Variants in FOLR2 observed in about 807,000 individuals in gnomAD.
FOLR2 encodes the protein folate receptor 2 (fetal).
FOLR2 carries 14 observed loss-of-function variants against 20.4 expected under a neutral mutation model. That is an observed-to-expected ratio of 0.68 (90% CI 0.45 to 1.07). The LOEUF is 1.07. FOLR2 is among the 50% of genes least tolerant of loss of function. The pLI, the probability that FOLR2 is intolerant of heterozygous loss-of-function variation, is 0.00. For synonymous variants in FOLR2, 114 were observed against 114.3 expected (o/e 1.00, Z 0.02); for missense variants, 269 against 322.6 (o/e 0.83, Z 1.27).
chr11:72,221,096 C>T, intron 3 of FOLR2, 38 bp downstream of exon 3: 1 of 1,488,706 alleles, frequency 6.7e-7, no homozygotes, highest in South Asian at 1.4e-5. Context: ...AGCAGACTGC[C>T]ATCCCCCTCA....
Position 72,221,068 on chromosome 11 carries a change from C to CGGGGGGGGGGGGCG in FOLR2, c.339+10_339+11insGGGGGGGGGGGGCG. Reference sequence around the variant, plus strand: ...GCCCTGGATCCAGCAGGTAGGGTGTCTCCCCCCCACCCACCCCAGCAGACT... The same window carrying CGGGGGGGGGGGGCG: ...GCCCTGGATCCAGCAGGTAGGGTGTCGGGGGGGGGGGGCGTCCCCCCCACCCACCCCAGCAGACT... On this transcript the variant is annotated intron_variant, in intron 3 of 4. Transcript: ENST00000298223. 2 of 1,559,138 alleles carry CGGGGGGGGGGGGCG rather than the reference C, an allele frequency of 1.3e-6. No homozygotes were observed. The highest frequency in any genetic ancestry group is 1.7e-6 in the Non-Finnish European group (2 of 1,151,232).
intron 2 of FOLR2, among the ~76,000 whole-genome samples, chr11:72,220,444 ACTGT>A (rs1171177499): frequency 2.0e-5 from 3 of 152,144 alleles, no homozygotes; most frequent in Admixed American, 6.5e-5. Context: ...TAAGTTTCTT[ACTGT>A]CTGTCTCCTC....
chr11:72,219,417 A>G (rs955753132), intron 2 of FOLR2, among the ~76,000 whole-genome samples: 1 of 152,150 alleles, frequency 6.6e-6, no homozygotes, highest in Non-Finnish European at 1.5e-5. Flanking sequence ...TGTATGCATA[A>G]TTTTTGCAAA....
Position 72,218,722 on chromosome 11 carries a change from G to A in FOLR2, c.138G>A (p.Lys46=). Reference sequence around the variant, plus strand: ...AGACAAAGCCAGGTCCTGAGGACAAGCTGCATGACCAAGTACGGCTGGAGT... The same window carrying A: ...AGACAAAGCCAGGTCCTGAGGACAAACTGCATGACCAAGTACGGCTGGAGT... ...HHKTKPGPED[K]LHDQCSPWKK... is the part of the protein sequence containing the mutation. Residue 46 remains lysine, a synonymous_variant, in exon 2 of 5, where the codon AAG becomes AAA. Transcript: ENST00000298223. The A allele has an allele frequency of 6.2e-7, 1 of 1,611,620 alleles. No individual in the cohort carries two copies. Among genetic ancestry groups the A allele is most frequent in the Non-Finnish European group, 8.5e-7 (1 of 1,178,762 alleles).
Position 72,221,067 on chromosome 11 carries a change from T to TCGGGGGGGGGGGGGGGC in FOLR2, c.339+10_339+11insGGGGGGGGGGGGGGGCC. 10 of 1,569,962 alleles carry TCGGGGGGGGGGGGGGGC rather than the reference T, an allele frequency of 6.4e-6. No homozygotes were observed. Among genetic ancestry groups the TCGGGGGGGGGGGGGGGC allele is most frequent in the Non-Finnish European group, 6.9e-6 (8 of 1,154,770 alleles). On this transcript the variant is annotated intron_variant, in intron 3 of 4. Transcript: ENST00000298223. ...GGCCCTGGATCCAGCAGGTAGGGTG[T>TCGGGGGGGGGGGGGGGC]CTCCCCCCCACCCACCCCAGCAGAC...
chr11:72,221,128 C>A, intron 3 of FOLR2, 48 bp from the exon 4 acceptor site: 1 of 1,540,570 alleles, frequency 6.5e-7, no homozygotes. Flanking sequence ...GCGATGGCTG[C>A]CAGCATCCCT....
At position 72,221,249 on chromosome 11, in the gene FOLR2, A is replaced by G; in HGVS notation, c.413A>G (p.Glu138Gly). The stretch of plus-strand genomic sequence containing the variant: ...AAAGAGGACTGTCAGCGCTGGTGGG[A>G]GGATTGTCACACCTCCCACACGTGC... ...LCKEDCQRWW[E>G]DCHTSHTCKS... The change falls in exon 4 of 5, where the codon GAG (glutamate) becomes GGG (glycine). Residue 138 changes from glutamate (E) to glycine (G), a missense_variant. Glu to Gly is a moderately conservative substitution (Grantham distance 98, BLOSUM62 -2). Transcript: ENST00000298223. The G allele has an allele frequency of 6.2e-7, 1 of 1,613,842 alleles. No individual in the cohort carries two copies. The highest frequency in any genetic ancestry group is 8.5e-7 in the Non-Finnish European group (1 of 1,179,876).
At chr11:72,220,761 G>A in intron 2 of FOLR2, 109 bp from the exon 3 acceptor site, 1 of 1,423,678 alleles carries the variant, frequency 7.0e-7, no homozygotes, top group Non-Finnish European at 9.7e-7. Context: ...AGTGTTCTCA[G>A]GACAACCTGC....
At chr11:72,218,859 A>G in intron 2 of FOLR2, 125 bp downstream of exon 2, 1 of 803,412 alleles carries the variant, frequency 1.2e-6, no homozygotes. Flanking sequence ...CTGTGGGAGA[A>G]GATGAAGGTG....
At position 72,221,139 on chromosome 11, in the gene FOLR2, G is replaced by A. The variant is rs1051046742; in HGVS notation, c.340-37G>A. The A allele has an allele frequency of 2.0e-6, 3 of 1,501,558 alleles. No individual in the cohort carries two copies. In the South Asian group the frequency reaches 3.4e-5, roughly 17 times the overall value. The allele number at this position is 1,501,558 out of a possible 1,614,324, so 93.0% of individuals were successfully genotyped here. A position where few individuals can be genotyped will look rare whatever the true frequency, so the allele number is the denominator to read the frequency against. On this transcript the variant is annotated intron_variant, in intron 3 of 4. Coordinates refer to ENST00000298223, the MANE Select transcript of FOLR2 (RefSeq NM_000803.5). ...CAAGGCGATGGCTGCCAGCATCCCT[G>A]GCTGAGAGGAGCCCTGCCTCCCCAC...
In FOLR2 at chr11:72,221,574, A is replaced by C; in HGVS notation, c.580A>C (p.Ser194Arg). The stretch of plus-strand genomic sequence containing the variant: ...CCTCTGGAGTCACTCATACAAGGTC[A>C]GCAACTACAGCCGAGGGAGCGGCCG... ...EGLWSHSYKV[S>R]NYSRGSGRCI... The change falls in exon 5 of 5, where the codon AGC (serine) becomes CGC (arginine). Residue 194 changes from serine (S) to arginine (R), a missense_variant. Transcript: ENST00000298223. The C allele has an allele frequency of 6.2e-7, 1 of 1,614,192 alleles. No homozygotes were observed. Among genetic ancestry groups the C allele is most frequent in the Non-Finnish European group, 8.5e-7 (1 of 1,180,038 alleles).
chr11:72,221,611 T>G lies in FOLR2; in HGVS notation c.617T>G (p.Met206Arg), dbSNP rs776822944. 1.9e-6 allele frequency: 3 copies of G among 1,614,056 alleles called. No individual in the cohort carries two copies. The change falls in exon 5 of 5, where the codon ATG becomes AGG. Residue 206 changes from methionine to arginine, a missense_variant. Transcript: ENST00000298223. ...YSRGSGRCIQMWFDSAQGNPN... is the reference protein window; with the variant it reads ...YSRGSGRCIQRWFDSAQGNPN... ...CGAGGGAGCGGCCGCTGCATCCAGATGTGGTTTGATTCAGCCCAGGGCAAC... is the reference window on the plus strand; with the variant it reads ...CGAGGGAGCGGCCGCTGCATCCAGAGGTGGTTTGATTCAGCCCAGGGCAAC...
chr11:72,217,003 C>G, intron 1 of FOLR2, 78 bp downstream of exon 1: 1 of 1,384,070 alleles, frequency 7.2e-7, no homozygotes. Context: ...GAGGAACACA[C>G]CTTTCTTTCT....
rs1948400444 is a variant in FOLR2, at chr11:72,216,981, T to G, written c.-25+56T>G. On this transcript the variant is annotated intron_variant, in intron 1 of 4. Transcript: ENST00000298223. Reference sequence around the variant, plus strand: ...AGGGCAGTGGGGAGACTTGGAGAGTTTGTGCAGAGGGGAGGAACACACCTT... The same window carrying G: ...AGGGCAGTGGGGAGACTTGGAGAGTGTGTGCAGAGGGGAGGAACACACCTT... 21 of 1,547,782 alleles carry G rather than the reference T, an allele frequency of 1.4e-5. No individual in the cohort carries two copies. In the South Asian group the frequency reaches 2.3e-4, roughly 17 times the overall value.
Position 72,221,672 on chromosome 11 carries a change from C to T in FOLR2, c.678C>T (p.Ala226=). 1 of 1,614,190 alleles carries T rather than the reference C, an allele frequency of 6.2e-7. No homozygotes were observed. Among genetic ancestry groups the T allele is most frequent in the Non-Finnish European group, 8.5e-7 (1 of 1,180,024 alleles). The change falls in exon 5 of 5, where the codon GCC becomes GCT. Residue 226 remains alanine (A), a synonymous_variant. Coordinates refer to ENST00000298223, the MANE Select transcript of FOLR2 (RefSeq NM_000803.5). ...NEEVARFYAA[A]MHVNAGEMLH... ...AAGTGGCGAGGTTCTATGCTGCAGC[C>T]ATGCATGTGAATGCTGGTGAGATGC...
At position 72,220,759 on chromosome 11, in the gene FOLR2, C is replaced by G. The variant is rs147773565; in HGVS notation, c.151-111C>G. 98 of 1,401,552 alleles carry G rather than the reference C, an allele frequency of 7.0e-5. No individual in the cohort carries two copies. In the African/African-American group the frequency reaches 1.3e-3, roughly 18 times the overall value. 86.8% of individuals were successfully genotyped at this position (1,401,552 alleles called of 1,614,324 possible). Reference sequence around the variant, plus strand: ...CATCATCTGGGAACCTGAGTGTTCTCAGGACAACCTGCCTAGGGCAGAGGA... The same window carrying G: ...CATCATCTGGGAACCTGAGTGTTCTGAGGACAACCTGCCTAGGGCAGAGGA... On this transcript the variant is annotated intron_variant, in intron 2 of 4. Transcript: ENST00000298223.
intron 2 of FOLR2, among the ~76,000 whole-genome samples, chr11:72,220,530 A>C (rs144269119): frequency 2.0e-4 from 30 of 152,338 alleles, no homozygotes; most frequent in African/African-American, 6.7e-4. Flanking sequence ...CAGCATCTAT[A>C]ACCGTGACTG....
At chr11:72,219,206 G>T (rs1453053443) in intron 2 of FOLR2, among the ~76,000 whole-genome samples, 1 of 152,146 alleles carries the variant, frequency 6.6e-6, no homozygotes, top group Non-Finnish European at 1.5e-5. Context: ...CTCACTAAGT[G>T]CCATTTCCAT....
At chr11:72,216,949 G>A (rs753520715) in intron 1 of FOLR2, 24 bp downstream of exon 1, 2 of 1,599,060 alleles carry the variant, frequency 1.3e-6, no homozygotes, top group African/African-American at 2.7e-5. Flanking sequence ...AGGAGGGAAG[G>A]GTGACAAGGG....
Sources: allele counts gnomAD v4.1 joint callset (sites outside exome capture counted in the v4.1 genomes callset), GRCh38; gene constraint gnomAD v4.1.1; transcripts MANE v1.5; gene names NCBI Gene and HGNC (gene_info 2026-07-23, HGNC 2026-07-21).